The following SEPTIN8 variants were observed in gnomAD, a reference collection of about 807,000 sequenced individuals.
SEPTIN8 encodes the protein septin 8, also known as septin-8.
Under a neutral mutation model 53.1 loss-of-function variants are expected in SEPTIN8, and 22 were observed. The observed-to-expected ratio is 0.41, with a 90% CI of 0.30 to 0.59. The LOEUF (loss-of-function observed/expected upper bound fraction) is 0.59, where lower values mean the gene tolerates loss of function less well. SEPTIN8 is among the 20% of genes least tolerant of loss of function. SEPTIN8 has a pLI of 0.24. For synonymous variants in SEPTIN8, 228 were observed against 248.4 expected (o/e 0.92, Z 0.77); for missense variants, 536 against 638.7 (o/e 0.84, Z 1.73).
At position 132,769,682 on chromosome 5, in the gene SEPTIN8, C is replaced by T. The variant is rs1283503077; in HGVS notation, c.31-4153G>A. Among the ~76,000 whole-genome samples the T allele has an allele frequency of 2.6e-5, 4 of 151,892 alleles. No homozygotes were observed. In the East Asian group the frequency reaches 7.7e-4, roughly 29 times the overall value. On this transcript the variant is annotated intron_variant, in intron 1 of 9. Coordinates refer to ENST00000378719, the MANE Select transcript of SEPTIN8 (RefSeq NM_001098811.2). ...AGGCATCAAGAGAGTGTGTAATTTGCCCAAGACCACACTGCTCAGGAGAGC... is the reference window on the plus strand; with the variant it reads ...AGGCATCAAGAGAGTGTGTAATTTGTCCAAGACCACACTGCTCAGGAGAGC...
intron 9 of SEPTIN8, chr5:132,758,651 C>G: frequency 6.3e-7 from 1 of 1,593,356 alleles, no homozygotes; most frequent in Non-Finnish European, 8.6e-7. Flanking sequence ...CCGGGGCAGC[C>G]TGGGGCCAGG....
rs948991460 is a variant in SEPTIN8, at chr5:132,777,219, C to T, written c.-82G>A. The T allele has an allele frequency of 5.6e-5, 65 of 1,154,110 alleles. No individual in the cohort carries two copies. Among genetic ancestry groups the T allele is most frequent in the Non-Finnish European group, 6.7e-5 (63 of 937,096 alleles). 71.5% of individuals were successfully genotyped at this position (1,154,110 alleles called of 1,614,324 possible). A position where few individuals can be genotyped will look rare whatever the true frequency, so the allele number is the denominator to read the frequency against. On this transcript the variant is annotated 5_prime_UTR_variant, in exon 1 of 10. Coordinates refer to ENST00000378719, the MANE Select transcript of SEPTIN8 (RefSeq NM_001098811.2). This position sits in a 1 kb window ranked among gnomAD's most constrained non-coding sequence, Gnocchi z 4.1. Reference sequence around the variant, plus strand: ...CCAGCCGGCTGCGGGACGCGCTCCGCCCGGGCGGCTGCGGCTGAATGGATC... The same window carrying T: ...CCAGCCGGCTGCGGGACGCGCTCCGTCCGGGCGGCTGCGGCTGAATGGATC...
intron 2 of SEPTIN8, among the ~76,000 whole-genome samples, chr5:132,764,868 C>T (rs1453113751): frequency 6.6e-6 from 1 of 152,136 alleles, no homozygotes; most frequent in Non-Finnish European, 1.5e-5. Flanking sequence ...CCTAGCTCCA[C>T]ATGGCTTTAG....
intron 1 of SEPTIN8, among the ~76,000 whole-genome samples, chr5:132,775,249 G>A (rs974907901): frequency 3.9e-5 from 6 of 152,226 alleles, no homozygotes; most frequent in Admixed American, 3.3e-4. Context: ...TGGCCTCTCA[G>A]CTAACCCTCT....
intron 1 of SEPTIN8, among the ~76,000 whole-genome samples, chr5:132,767,943 C>CCACA (rs57640097): frequency 0.43 from 55,382 of 127,644 alleles, 13,426 homozygotes; most frequent in Middle Eastern, 0.55. Flanking sequence ...TGTCTGGAAA[C>CCACA]CACACACACA....
chr5:132,760,085 G>A lies in SEPTIN8; in HGVS notation c.1286+717C>T, dbSNP rs147605537. On this transcript the variant is annotated intron_variant, in intron 9 of 9. Transcript: ENST00000378719. This position sits in a 1 kb window ranked among gnomAD's most constrained non-coding sequence, Gnocchi z 5.2. ...CAAAAGAACCCACAGAGCCCCTGTG[G>A]GAAGCCGCTTTCCTCCCTTAAGCCC... 4.0e-3 allele frequency among the ~76,000 whole-genome samples: 610 copies of A among 152,166 alleles called. 2 individuals are homozygous for A. The highest frequency in any genetic ancestry group is 6.2e-3 in the Non-Finnish European group (422 of 68,012).
rs1757795918 is a variant in SEPTIN8 at position 132,776,405 on chromosome 5, A to T, written c.30+703T>A. ...GCCCAGTGAGACCCCTGCAGGGACCACCAGGGACATCAACCTTCTGAGGAC... is the reference window on the plus strand; with the variant it reads ...GCCCAGTGAGACCCCTGCAGGGACCTCCAGGGACATCAACCTTCTGAGGAC... On this transcript the variant is annotated intron_variant, in intron 1 of 9. Transcript: ENST00000378719. The surrounding 1 kb of genome is among the most constrained non-coding windows in gnomAD (Gnocchi z 4.4). 6.6e-6 allele frequency among the ~76,000 whole-genome samples: 1 copy of T among 152,212 alleles called. No individual in the cohort carries two copies. Among genetic ancestry groups the T allele is most frequent in the Non-Finnish European group, 1.5e-5 (1 of 68,028 alleles).
Position 132,773,761 on chromosome 5 carries a change from T to C in SEPTIN8, c.30+3347A>G, listed in dbSNP as rs142844646. Among the ~76,000 whole-genome samples the C allele has an allele frequency of 7.6e-4, 116 of 152,336 alleles. 1 individual carries two copies. In the East Asian group the frequency reaches 0.02, roughly 27 times the overall value. On this transcript the variant is annotated intron_variant, in intron 1 of 9. Transcript: ENST00000378719. The surrounding 1 kb of genome is among the most constrained non-coding windows in gnomAD (Gnocchi z 4.2). The stretch of plus-strand genomic sequence containing the variant: ...CTCCTTGCCATCCTCTCTGTTCCTA[T>C]CATGGTCAGTCTTTTAGCATGTGCT...
At chr5:132,752,325 GTC>G in intron 9 of SEPTIN8, 144 bp from the exon 10 acceptor site, 1 of 1,135,716 alleles carries the variant, frequency 8.8e-7, no homozygotes, top group Admixed American at 2.8e-5. Flanking sequence ...CCTGGAAAGA[GTC>G]TGCCCAAAGG....
In SEPTIN8 at chr5:132,761,951, A is replaced by T. The variant is rs1756022783; in HGVS notation, c.697-55T>A. The T allele has an allele frequency of 2.0e-6, 3 of 1,468,886 alleles. No homozygotes were observed. In the South Asian group the frequency reaches 3.8e-5, roughly 19 times the overall value. 91.0% of individuals were successfully genotyped at this position (1,468,886 alleles called of 1,614,324 possible). On this transcript the variant is annotated intron_variant, in intron 5 of 9. Transcript: ENST00000378719. This position sits in a 1 kb window ranked among gnomAD's most constrained non-coding sequence, Gnocchi z 5.8. ...CTGAGCTGACACAGACTAATGGCAG[A>T]CTCTCCCTCCCTGCCCCTGGGTCCT...
upstream of SEPTIN8, among the ~76,000 whole-genome samples, chr5:132,779,265 GT>G: frequency 6.6e-6 from 1 of 152,274 alleles, no homozygotes; most frequent in Middle Eastern, 3.4e-3. Context: ...ATGGCAAAGT[GT>G]TATTTCTTAT....
At chr5:132,754,251 C>A in intron 9 of SEPTIN8, 2 of 611,704 alleles carry the variant, frequency 3.3e-6, no homozygotes, top group East Asian at 5.5e-5. Flanking sequence ...TAGGTCATAT[C>A]AAGAACTCTC....
chr5:132,775,356 G>A (rs992818982), intron 1 of SEPTIN8, among the ~76,000 whole-genome samples: 3 of 152,190 alleles, frequency 2.0e-5, no homozygotes, highest in African/African-American at 7.2e-5. Flanking sequence ...TAGGGGGCCA[G>A]TCCTCACATC....
At chr5:132,763,074 C>T (rs59654647) in intron 4 of SEPTIN8, among the ~76,000 whole-genome samples, 2,407 of 152,262 alleles carry the variant, frequency 0.016, 75 homozygotes, top group African/African-American at 0.054. Flanking sequence ...CAGGCTATCC[C>T]GTTTTTTACA....
chr5:132,770,250 C>T (rs1411725058), intron 1 of SEPTIN8, among the ~76,000 whole-genome samples: 2 of 150,446 alleles, frequency 1.3e-5, no homozygotes, highest in African/African-American at 4.9e-5. Flanking sequence ...GTGATCTCAG[C>T]TCACTGTAAC....
rs960824092 is a variant in SEPTIN8 at position 132,776,045 on chromosome 5, T to C, written c.30+1063A>G. 2.0e-5 allele frequency: 3 copies of C among 152,368 alleles called. No individual in the cohort carries two copies. Among genetic ancestry groups the C allele is most frequent in the African/African-American group, 7.2e-5 (3 of 41,426 alleles). The allele number at this position is 152,368 out of a possible 1,614,324, so 9.4% of individuals were successfully genotyped here. A position where few individuals can be genotyped will look rare whatever the true frequency, so the allele number is the denominator to read the frequency against. On this transcript the variant is annotated intron_variant, in intron 1 of 9. Transcript: ENST00000378719. The surrounding 1 kb of genome is among the most constrained non-coding windows in gnomAD (Gnocchi z 4.4). Reference sequence around the variant, plus strand: ...TTACATATATAAATTGGGATGACGGTATTTATAGCATTAATTACATAAGTC... The same window carrying C: ...TTACATATATAAATTGGGATGACGGCATTTATAGCATTAATTACATAAGTC...
Position 132,750,965 on chromosome 5 carries a change from T to C in SEPTIN8, c.*1051A>G. 1 of 1,614,216 alleles carries C rather than the reference T, an allele frequency of 6.2e-7. No homozygotes were observed. The highest frequency in any genetic ancestry group is 2.2e-5 in the East Asian group (1 of 44,894). The stretch of plus-strand genomic sequence containing the variant: ...TCTGGACAGACTGCACTGGGACCTC[T>C]ATATTGGGACGCCGCTGGACTTCTT... On this transcript the variant is annotated 3_prime_UTR_variant, in exon 10 of 10. Coordinates refer to ENST00000378719, the MANE Select transcript of SEPTIN8 (RefSeq NM_001098811.2).
At position 132,773,048 on chromosome 5, in the gene SEPTIN8, A is replaced by G. The variant is rs1038609269; in HGVS notation, c.30+4060T>C. Among the ~76,000 whole-genome samples, 8 of 152,234 alleles carry G rather than the reference A, an allele frequency of 5.3e-5. No homozygotes were observed. Among genetic ancestry groups the G allele is most frequent in the Non-Finnish European group, 1.2e-4 (8 of 68,038 alleles). ...AAGAACATGTAGGGCAACTGCACGC[A>G]GAGCCAAGATGCCCCCTGCCCCGTC... On this transcript the variant is annotated intron_variant, in intron 1 of 9. Transcript: ENST00000378719. This position sits in a 1 kb window ranked among gnomAD's most constrained non-coding sequence, Gnocchi z 4.2.
At chr5:132,756,097 C>T in intron 9 of SEPTIN8, 1 of 985,390 alleles carries the variant, frequency 1.0e-6, no homozygotes, top group Non-Finnish European at 1.2e-6. Flanking sequence ...AATGAATTAA[C>T]ACGTGAAGCA....
Sources: gnomAD v4.1 joint callset for allele counts (sites outside exome capture counted in the v4.1 genomes callset) on GRCh38, gnomAD v4.1.1 for gene constraint, Gnocchi (gnomAD v3.1) non-coding constraint, MANE v1.5 for transcripts, NCBI Gene and HGNC (gene_info 2026-07-23, HGNC 2026-07-21) for gene names.